The following CDA variants were observed in gnomAD, a reference collection of about 807,000 sequenced individuals.
The protein encoded by CDA is cytidine deaminase, also known as cytidine aminohydrolase.
Under a neutral mutation model 15.0 loss-of-function variants are expected in CDA, and 7 were observed. The ratio of observed to expected loss-of-function variants is 0.47; its 90% confidence interval spans 0.26 to 0.87. The LOEUF is 0.87. Ranked by LOEUF, CDA falls within the 40% of genes least tolerant of loss-of-function variation. CDA has a pLI of 0.15. For synonymous variants in CDA, 58 were observed against 73.0 expected, an observed-to-expected ratio of 0.79 and a Z score of 1.05; for missense variants, 159 against 182.7, an observed-to-expected ratio of 0.87 and a Z score of 0.75.
chr1:20,605,627 T>G (rs2052689143), intron 2 of CDA, among the ~76,000 whole-genome samples: 1 of 119,428 alleles, frequency 8.4e-6, no homozygotes, highest in Admixed American at 8.1e-5. Context: ...GCCACTGCAC[T>G]CCAGCCTGGG....
At chr1:20,617,697 A>ATTTTT (rs147364706) in intron 3 of CDA, among the ~76,000 whole-genome samples, 1 of 144,086 alleles carries the variant, frequency 6.9e-6, no homozygotes, top group African/African-American at 2.6e-5. Context: ...ATTTTATTTT[A>ATTTTT]TTTTTTTTTT....
chr1:20,590,075 G>C (rs2052535085), intron 1 of CDA, among the ~76,000 whole-genome samples: 1 of 152,212 alleles, frequency 6.6e-6, no homozygotes, highest in African/African-American at 2.4e-5. Flanking sequence ...TTCTCCTTCA[G>C]GGCAGTAGGG....
chr1:20,612,942 C>CAA (rs35637551), intron 2 of CDA, among the ~76,000 whole-genome samples: 17,382 of 84,860 alleles, frequency 0.2, 1,605 homozygotes, highest in Non-Finnish European at 0.24. Context: ...GACTCCATCT[C>CAA]AAAAAAAAAA....
At position 20,589,100 on chromosome 1, in the gene CDA, G is replaced by A. The variant is rs756020030; in HGVS notation, c.-30G>A. Reference sequence around the variant, plus strand: ...AGGCTGGCCGGAGCTCCTGTTTCCCGCTGCTCTGCTGCCTGCCCGGGGTAC... The same window carrying A: ...AGGCTGGCCGGAGCTCCTGTTTCCCACTGCTCTGCTGCCTGCCCGGGGTAC... On this transcript the variant is annotated 5_prime_UTR_variant, in exon 1 of 4. Coordinates refer to ENST00000375071, the MANE Select transcript of CDA (RefSeq NM_001785.3). 7.4e-6 allele frequency: 12 copies of A among 1,612,070 alleles called. No homozygotes were observed. Among genetic ancestry groups the A allele is most frequent in the African/African-American group, 2.7e-5 (2 of 74,462 alleles).
At chr1:20,600,066 C>T (rs2052627679) in intron 1 of CDA, among the ~76,000 whole-genome samples, 1 of 152,172 alleles carries the variant, frequency 6.6e-6, no homozygotes, top group African/African-American at 2.4e-5. Context: ...GAGTGTGCCC[C>T]CTGCCACAAC....
intron 1 of CDA, among the ~76,000 whole-genome samples, chr1:20,593,634 G>C (rs2052567130): frequency 6.6e-6 from 1 of 152,178 alleles, no homozygotes; most frequent in Non-Finnish European, 1.5e-5. Context: ...AAGTACAGTG[G>C]CGCGAGCCTA....
rs1553144160 is a variant in CDA at position 20,618,759 on chromosome 1, G to GT, written c.*191_*192insT. On this transcript the variant is annotated 3_prime_UTR_variant, in exon 4 of 4. Coordinates refer to ENST00000375071, the MANE Select transcript of CDA (RefSeq NM_001785.3). ...CTGCCTTGGGACTTAGAACACCGCC[G>GT]CCCCCTGCCCCACCTTTCCTTTCCT... 1 of 585,868 alleles carries GT rather than the reference G, an allele frequency of 1.7e-6. No homozygotes were observed. Among genetic ancestry groups the GT allele is most frequent in the Non-Finnish European group, 3.1e-6 (1 of 321,036 alleles). 36.3% of individuals were successfully genotyped at this position (585,868 alleles called of 1,614,324 possible). A position where few individuals can be genotyped will look rare whatever the true frequency, so the allele number is the denominator to read the frequency against.
intron 2 of CDA, among the ~76,000 whole-genome samples, chr1:20,609,932 TCATTGACTGGACCCCCA>T (rs1198641020): frequency 2.6e-5 from 4 of 152,166 alleles, no homozygotes; most frequent in Non-Finnish European, 5.9e-5. Flanking sequence ...ACAGAACCTT[TCATTGACTGGACCCCCA>T]CATGTAAAAG....
intron 1 of CDA, among the ~76,000 whole-genome samples, chr1:20,591,144 C>A (rs2052545382): frequency 6.6e-6 from 1 of 152,102 alleles, no homozygotes; most frequent in Non-Finnish European, 1.5e-5. Flanking sequence ...TCGAGACCAT[C>A]CTGGCTAACA....
intron 1 of CDA, among the ~76,000 whole-genome samples, chr1:20,592,375 C>T (rs1037811722): frequency 1.3e-5 from 2 of 152,160 alleles, no homozygotes; most frequent in African/African-American, 2.4e-5. Context: ...AAGAAGGTCA[C>T]AAATGATAGC....
intron 3 of CDA, among the ~76,000 whole-genome samples, chr1:20,615,470 C>CAAAAAAAA (rs35351279): frequency 1.8e-5 from 2 of 112,976 alleles, no homozygotes; most frequent in African/African-American, 6.8e-5. Flanking sequence ...CTGTTCTCCA[C>CAAAAAAAA]AAAAAAAAAA....
chr1:20,590,542 T>TCC (rs1362859687), intron 1 of CDA, among the ~76,000 whole-genome samples: 2 of 152,152 alleles, frequency 1.3e-5, no homozygotes, highest in African/African-American at 4.8e-5. Flanking sequence ...TTCGAAAGCC[T>TCC]CCACATCCTT....
chr1:20,617,833 T>G (rs1386570915), intron 3 of CDA, among the ~76,000 whole-genome samples: 2 of 151,652 alleles, frequency 1.3e-5, no homozygotes, highest in African/African-American at 4.8e-5. Flanking sequence ...GTAGCTGGGA[T>G]TACATGTGCT....
chr1:20,604,850 G>A, intron 1 of CDA, 78 bp from the exon 2 acceptor site: 1 of 961,848 alleles, frequency 1.0e-6, no homozygotes, highest in Non-Finnish European at 1.6e-6. Context: ...GCTTTGGAAT[G>A]GGGCAAACTT....
intron 2 of CDA, 55 bp from the exon 3 acceptor site, chr1:20,613,787 A>G (rs1418773376): frequency 3.3e-6 from 5 of 1,531,814 alleles, no homozygotes; most frequent in Non-Finnish European, 4.5e-6. Context: ...AATCTTAGCA[A>G]TTGTCCTCAG....
intron 1 of CDA, among the ~76,000 whole-genome samples, chr1:20,590,872 C>A (rs1286334692): frequency 1.3e-5 from 2 of 152,142 alleles, no homozygotes; most frequent in Admixed American, 6.5e-5. Flanking sequence ...GGGGGCTCAG[C>A]ATGTTCGGCC....
intron 1 of CDA, among the ~76,000 whole-genome samples, chr1:20,599,173 T>C (rs2052616941): frequency 6.6e-6 from 1 of 152,066 alleles, no homozygotes; most frequent in Non-Finnish European, 1.5e-5. Flanking sequence ...GAACAGCTTG[T>C]GCAAAGGCCC....
At chr1:20,617,293 TCA>T (rs2052821657) in intron 3 of CDA, among the ~76,000 whole-genome samples, 2 of 152,216 alleles carry the variant, frequency 1.3e-5, no homozygotes. Context: ...CTGCTAAGCC[TCA>T]GTTTCCTCAT....
intron 2 of CDA, among the ~76,000 whole-genome samples, chr1:20,607,019 T>C (rs544622687): frequency 2.8e-4 from 43 of 152,206 alleles, no homozygotes; most frequent in Non-Finnish European, 5.4e-4. Flanking sequence ...TGTTGGTCTT[T>C]AGGGACATCT....
Sources: allele counts gnomAD v4.1 joint callset (sites outside exome capture counted in the v4.1 genomes callset), GRCh38; gene constraint gnomAD v4.1.1; transcripts MANE v1.5; gene names NCBI Gene and HGNC (gene_info 2026-07-23, HGNC 2026-07-21).